The following DPP10 variants were observed in gnomAD, a reference collection of about 807,000 sequenced individuals.
The protein encoded by DPP10 is inactive dipeptidyl peptidase 10.
DPP10 carries 33 observed loss-of-function variants against 120.9 expected under a neutral mutation model. The ratio of observed to expected loss-of-function variants is 0.27; its 90% CI spans 0.21 to 0.37. The LOEUF (loss-of-function observed/expected upper bound fraction) is 0.37, where lower values mean the gene tolerates loss of function less well. Ranked by LOEUF, DPP10 falls within the 10% of genes least tolerant of loss-of-function variation. The pLI, the probability that DPP10 is intolerant of heterozygous loss-of-function variation, is 1.00. For missense variants in DPP10, 816 were observed against 942.8 expected, an observed-to-expected ratio of 0.87 and a Z score of 1.76; for synonymous variants, 337 against 326.1, an observed-to-expected ratio of 1.03 and a Z score of -0.36.
At chr2:115,013,623 AG>A (rs1702418402) in intron 1 of DPP10, among the ~76,000 whole-genome samples, 1 of 148,606 alleles carries the variant, frequency 6.7e-6, no homozygotes, top group Admixed American at 6.8e-5. Context: ...CTCAAAATAA[AG>A]GGATGGAGGA....
At chr2:114,533,070 T>C (rs1339041640) in intron 1 of DPP10, among the ~76,000 whole-genome samples, 1 of 152,188 alleles carries the variant, frequency 6.6e-6, no homozygotes, top group Non-Finnish European at 1.5e-5. Flanking sequence ...CCAGCTACTA[T>C]TGAGAATCAT....
chr2:115,628,092 C>T (rs1669642940), intron 5 of DPP10, among the ~76,000 whole-genome samples: 1 of 151,852 alleles, frequency 6.6e-6, no homozygotes, highest in South Asian at 2.1e-4. Flanking sequence ...TGAAGAATTG[C>T]CATGCTGTCT....
At chr2:115,231,936 C>T (rs961016020) in intron 1 of DPP10, among the ~76,000 whole-genome samples, 2 of 152,180 alleles carry the variant, frequency 1.3e-5, no homozygotes, top group African/African-American at 4.8e-5. Context: ...TGTGGATTTG[C>T]ACCAACTTTT....
At chr2:114,500,016 C>G (rs981796029) in intron 1 of DPP10, among the ~76,000 whole-genome samples, 1 of 152,174 alleles carries the variant, frequency 6.6e-6, no homozygotes, top group Non-Finnish European at 1.5e-5. Flanking sequence ...CTCACTGGCC[C>G]CTCTCCTTTC....
At chr2:115,144,665 TG>T (rs1331672372) in intron 1 of DPP10, among the ~76,000 whole-genome samples, 2 of 77,782 alleles carry the variant, frequency 2.6e-5, no homozygotes, top group Non-Finnish European at 4.6e-5. Context: ...GGGACTGTTG[TG>T]GGGTGGGGGG....
At chr2:114,879,952 C>T (rs1407962530) in intron 1 of DPP10, among the ~76,000 whole-genome samples, 2 of 152,120 alleles carry the variant, frequency 1.3e-5, no homozygotes, top group Admixed American at 6.6e-5. Context: ...GATGATTGTA[C>T]ATAATGGGAT....
chr2:115,358,695 A>G (rs2064569494), intron 3 of DPP10, among the ~76,000 whole-genome samples: 1 of 152,184 alleles, frequency 6.6e-6, no homozygotes, highest in Admixed American at 6.5e-5. Context: ...CGCTGCTATG[A>G]AGAGATACCT....
intron 10 of DPP10, among the ~76,000 whole-genome samples, chr2:115,746,691 A>G (rs1049308518): frequency 6.6e-6 from 1 of 152,182 alleles, no homozygotes; most frequent in Non-Finnish European, 1.5e-5. Flanking sequence ...GGGAGAAAGT[A>G]AACACATTTT....
At chr2:114,834,483 T>C (rs374679234) in intron 1 of DPP10, among the ~76,000 whole-genome samples, 268 of 150,714 alleles carry the variant, frequency 1.8e-3, no homozygotes, top group African/African-American at 5.6e-3. Context: ...CACCTATGTA[T>C]ATATAAGCCA....
intron 1 of DPP10, among the ~76,000 whole-genome samples, chr2:114,740,292 G>C (rs1677899084): frequency 6.8e-6 from 1 of 146,650 alleles, no homozygotes; most frequent in Non-Finnish European, 1.5e-5. Context: ...TCACTCACAG[G>C]TGGGAATTGA....
At chr2:115,353,688 T>A (rs2064182402) in intron 3 of DPP10, among the ~76,000 whole-genome samples, 1 of 152,172 alleles carries the variant, frequency 6.6e-6, no homozygotes, top group Admixed American at 6.5e-5. Context: ...TGCATTTTTT[T>A]GAAAACCCTT....
At chr2:115,007,270 A>G (rs1315387455) in intron 1 of DPP10, among the ~76,000 whole-genome samples, 21 of 152,228 alleles carry the variant, frequency 1.4e-4, no homozygotes, top group African/African-American at 3.4e-4. Context: ...CTGGTTCAAT[A>G]TACGCAAATC....
At chr2:114,794,285 C>T (rs750544029) in intron 1 of DPP10, among the ~76,000 whole-genome samples, 1 of 152,174 alleles carries the variant, frequency 6.6e-6, no homozygotes, top group African/African-American at 2.4e-5. Context: ...GCTTAGAGAA[C>T]TCATTGTTTC....
chr2:114,852,232 G>A (rs761365505), intron 1 of DPP10, among the ~76,000 whole-genome samples: 39 of 117,504 alleles, frequency 3.3e-4, no homozygotes, highest in Admixed American at 2.4e-4. Context: ...TACTCCTACT[G>A]AGCCCTCAGG....
At chr2:114,470,851 T>C (rs1213102713) in intron 1 of DPP10, among the ~76,000 whole-genome samples, 1 of 152,242 alleles carries the variant, frequency 6.6e-6, no homozygotes, top group Non-Finnish European at 1.5e-5. Context: ...CCTTGTTTGC[T>C]AATTGCTGTA....
chr2:114,968,735 G>A lies in DPP10; in HGVS notation c.61-340504G>A, dbSNP rs962466. 2.0e-3 allele frequency among the ~76,000 whole-genome samples: 299 copies of A among 152,202 alleles called. 1 individual carries two copies. The highest frequency in any genetic ancestry group is 6.6e-3 in the African/African-American group (276 of 41,524). On this transcript the variant is annotated intron_variant, in intron 1 of 25. Coordinates refer to ENST00000410059, the MANE Select transcript of DPP10 (RefSeq NM_020868.6). ...CATTTTTCATATGGTAAAGCCAAAC[G>A]TTTACTAATTTTTCAGCAAGACTTT...
At chr2:115,523,390 A>G (rs1032117526) in intron 4 of DPP10, among the ~76,000 whole-genome samples, 1 of 110,978 alleles carries the variant, frequency 9.0e-6, no homozygotes, top group Non-Finnish European at 1.8e-5. Context: ...TAGTCAGAGA[A>G]GCTCTCAAAA....
chr2:115,786,431 C>T (rs756389355), intron 17 of DPP10, among the ~76,000 whole-genome samples: 1 of 151,970 alleles, frequency 6.6e-6, no homozygotes, highest in Non-Finnish European at 1.5e-5. Context: ...CAATGATAAA[C>T]CTTTGACATT....
chr2:114,494,300 A>G (rs1345699894), intron 1 of DPP10, among the ~76,000 whole-genome samples: 1 of 152,182 alleles, frequency 6.6e-6, no homozygotes, highest in Non-Finnish European at 1.5e-5. Context: ...GTATTTGTGG[A>G]AAGATTAAAC....
Sources: allele counts gnomAD v4.1 joint callset (sites outside exome capture counted in the v4.1 genomes callset), GRCh38; gene constraint gnomAD v4.1.1; transcripts MANE v1.5; gene names NCBI Gene and HGNC (gene_info 2026-07-23, HGNC 2026-07-21).